Variants in GPHN observed in about 807,000 individuals in gnomAD.
GPHN encodes the protein gephyrin.
In GPHN, 17 loss-of-function variants were observed where a neutral mutation model predicts 95.5. The ratio of observed to expected loss-of-function variants is 0.18; its 90% CI spans 0.12 to 0.27. GPHN has a LOEUF of 0.27. Ranked by LOEUF, GPHN falls within the 10% of genes least tolerant of loss-of-function variation. The probability of loss-of-function intolerance (pLI) is 1.00; values close to 1 mark genes in which losing one functional copy is unlikely to be tolerated. For synonymous variants in GPHN, 320 were observed against 322.5 expected (o/e 0.99, Z 0.08); for missense variants, 660 against 978.1 (o/e 0.67, Z 4.34).
chr14:66,727,674 C>T (rs901721601), intron 2 of GPHN, among the ~76,000 whole-genome samples: 18 of 152,166 alleles, frequency 1.2e-4, no homozygotes, highest in African/African-American at 4.3e-4. Flanking sequence ...ATTAGGGTAT[C>T]TGGCACAATT....
chr14:66,560,171 C>T (rs1381766924), intron 1 of GPHN, among the ~76,000 whole-genome samples: 12 of 151,892 alleles, frequency 7.9e-5, no homozygotes, highest in African/African-American at 1.5e-4. Context: ...AGTCAGGTAG[C>T]GTGATGCCTC....
chr14:67,362,032 CTTTTT>C, the GPHN span, among the ~76,000 whole-genome samples: 1 of 91,420 alleles, frequency 1.1e-5, no homozygotes, highest in Non-Finnish European at 2.2e-5. Flanking sequence ...TTTCTTTTTT[CTTTTT>C]TTTTTTGAGA....
chr14:67,254,355 T>C, the GPHN span: 1 of 152,152 alleles, frequency 6.6e-6, no homozygotes, highest in Non-Finnish European at 1.5e-5. Context: ...TGCAGTATAG[T>C]TATCTTATAG....
the GPHN span, among the ~76,000 whole-genome samples, chr14:67,356,447 A>C: frequency 8.5e-5 from 12 of 140,860 alleles, no homozygotes; most frequent in East Asian, 1.3e-3. Flanking sequence ...AAAAAAAAAA[A>C]CAAAAACAAA....
At chr14:67,177,587 A>G (rs151127320) in intron 21 of GPHN, among the ~76,000 whole-genome samples, 245 of 152,288 alleles carry the variant, frequency 1.6e-3, no homozygotes, top group African/African-American at 5.7e-3. Flanking sequence ...GTAGATGTCT[A>G]TTAGGTCTGC....
intron 8 of GPHN, among the ~76,000 whole-genome samples, chr14:66,956,717 C>G (rs1465750270): frequency 6.6e-6 from 1 of 152,002 alleles, no homozygotes; most frequent in African/African-American, 2.4e-5. Flanking sequence ...CCTTTGCCCA[C>G]TTTTTGATGG....
chr14:66,516,580 C>G (rs983511084), intron 1 of GPHN, among the ~76,000 whole-genome samples: 5 of 152,192 alleles, frequency 3.3e-5, no homozygotes, highest in African/African-American at 1.2e-4. Flanking sequence ...GTGGATATTA[C>G]TATAATAAAT....
At chr14:66,683,040 T>C (rs2067037665) in intron 2 of GPHN, among the ~76,000 whole-genome samples, 1 of 151,698 alleles carries the variant, frequency 6.6e-6, no homozygotes, top group Non-Finnish European at 1.5e-5. Context: ...GACTACTTCA[T>C]TGGAAGGACA....
At chr14:67,590,139 C>T in the GPHN span, 3 of 1,551,092 alleles carry the variant, frequency 1.9e-6, no homozygotes, top group African/African-American at 2.7e-5. Flanking sequence ...CTCCTGTATA[C>T]TTCAATCAAG....
chr14:66,595,229 A>G (rs2140739690), intron 1 of GPHN, among the ~76,000 whole-genome samples: 1 of 152,342 alleles, frequency 6.6e-6, no homozygotes, highest in Non-Finnish European at 1.5e-5. Context: ...CCATAATTGT[A>G]AACAGTATGG....
At chr14:67,651,535 T>TAAAC in the GPHN span, 1 of 1,596,568 alleles carries the variant, frequency 6.3e-7, no homozygotes. Context: ...ACCTTCCTTC[T>TAAAC]AAACATTTTG....
chr14:67,662,813 G>A, the GPHN span, among the ~76,000 whole-genome samples: 12,703 of 147,760 alleles, frequency 0.086, 732 homozygotes, highest in East Asian at 0.24. Context: ...CAGAGGTAGA[G>A]AAATGCTTGA....
chr14:67,657,753 T>TG, the GPHN span, among the ~76,000 whole-genome samples: 1 of 33,048 alleles, frequency 3.0e-5, no homozygotes, highest in African/African-American at 8.3e-5. Flanking sequence ...CTTTCTTTCT[T>TG]TTTTTTTTTT....
the GPHN span, among the ~76,000 whole-genome samples, chr14:67,446,583 G>A: frequency 1.3e-5 from 2 of 152,194 alleles, no homozygotes; most frequent in African/African-American, 4.8e-5. Flanking sequence ...TCCCCAGAAT[G>A]TCCTTTCCCA....
At chr14:67,421,317 GATC>G in the GPHN span, among the ~76,000 whole-genome samples, 1 of 152,130 alleles carries the variant, frequency 6.6e-6, no homozygotes, top group African/African-American at 2.4e-5. Flanking sequence ...AAATGTCCCT[GATC>G]ATGATTGCCT....
At chr14:67,430,160 G>A in the GPHN span, among the ~76,000 whole-genome samples, 1 of 152,156 alleles carries the variant, frequency 6.6e-6, no homozygotes, top group African/African-American at 2.4e-5. Flanking sequence ...ATGGAGACAG[G>A]CCACAATCAC....
the GPHN span, among the ~76,000 whole-genome samples, chr14:67,206,639 A>T: frequency 6.6e-6 from 1 of 152,244 alleles, no homozygotes; most frequent in Non-Finnish European, 1.5e-5. Flanking sequence ...AAGATGATCT[A>T]AGTAGACGTA....
the GPHN span, among the ~76,000 whole-genome samples, chr14:67,438,644 T>G: frequency 1.3e-5 from 2 of 152,200 alleles, no homozygotes; most frequent in African/African-American, 4.8e-5. Context: ...GTGGATCACT[T>G]GAAGTCAGGA....
chr14:67,504,874 G>C, the GPHN span, among the ~76,000 whole-genome samples: 14 of 152,240 alleles, frequency 9.2e-5, no homozygotes, highest in Non-Finnish European at 1.8e-4. Flanking sequence ...CAACAAGAGC[G>C]ACACTCCGTC....
Sources: gnomAD v4.1 joint callset for allele counts (sites outside exome capture counted in the v4.1 genomes callset) on GRCh38, gnomAD v4.1.1 for gene constraint, MANE v1.5 for transcripts, NCBI Gene and HGNC (gene_info 2026-07-23, HGNC 2026-07-21) for gene names.